SLC36A4: variants seen among roughly 807,000 people sequenced by gnomAD.
SLC36A4 encodes solute carrier family 36 member 4.
In SLC36A4, 49 loss-of-function variants were observed where a neutral mutation model predicts 50.5. The ratio of observed to expected loss-of-function variants is 0.97; its 90% CI spans 0.77 to 1.23. The LOEUF is 1.23. SLC36A4 is among the 50% of genes most tolerant of loss of function. SLC36A4 has a pLI of 0.00. For missense variants in SLC36A4, 611 were observed against 608.4 expected, an observed-to-expected ratio of 1.00 and a Z score of -0.05; for synonymous variants, 207 against 206.5, an observed-to-expected ratio of 1.00 and a Z score of -0.02.
In SLC36A4 at chr11:93,163,189, C is replaced by G. The variant is rs143143041; in HGVS notation, c.868-314G>C. On this transcript the variant is annotated intron_variant, in intron 8 of 10. Coordinates refer to ENST00000326402, the MANE Select transcript of SLC36A4 (RefSeq NM_152313.4). ...ACACAGAGATCTCCCATATACCCCTCACCCAGTTTCTCCTACCATTAACTT... is the reference window on the plus strand; with the variant it reads ...ACACAGAGATCTCCCATATACCCCTGACCCAGTTTCTCCTACCATTAACTT... Among the ~76,000 whole-genome samples, 54 of 152,286 alleles carry G rather than the reference C, an allele frequency of 3.5e-4. 1 individual carries two copies. The East Asian group carries it at 0.01, about 29-fold the overall frequency.
At chr11:93,187,383 T>C (rs1002013440) in intron 1 of SLC36A4, among the ~76,000 whole-genome samples, 1 of 152,208 alleles carries the variant, frequency 6.6e-6, no homozygotes, top group Non-Finnish European at 1.5e-5. Context: ...ATTTCTACTA[T>C]AAAGTTTTCT....
Position 93,147,028 on chromosome 11 carries a change from T to A in SLC36A4, c.*1509A>T, listed in dbSNP as rs7110304. On this transcript the variant is annotated 3_prime_UTR_variant, in exon 11 of 11. Transcript: ENST00000326402. ...GATCTCCCTCTGTAACTCAGGCTGG[T>A]GTGCAGTGGCACAGTCATAGCTTAC... The A allele has an allele frequency of 0.67, 101,666 of 151,998 alleles. 34,135 individuals carry two copies. Among genetic ancestry groups the A allele is most frequent in the East Asian group, 0.81 (4,167 of 5,158 alleles). 9.4% of individuals were successfully genotyped at this position (151,998 alleles called of 1,614,324 possible). A position where few individuals can be genotyped will look rare whatever the true frequency, so the allele number is the denominator to read the frequency against.
At chr11:93,166,504 G>A in intron 7 of SLC36A4, 2 of 700,168 alleles carry the variant, frequency 2.9e-6, no homozygotes, top group Non-Finnish European at 3.5e-6. Context: ...GCCCAAAACA[G>A]GTTTCCTTCT....
intron 6 of SLC36A4, among the ~76,000 whole-genome samples, chr11:93,179,339 C>T (rs1210538396): frequency 6.6e-6 from 1 of 152,166 alleles, no homozygotes; most frequent in African/African-American, 2.4e-5. Context: ...ATGGGAGTCC[C>T]TTCCTTCATA....
chr11:93,171,624 A>G (rs1402168723), intron 6 of SLC36A4: 1 of 152,088 alleles, frequency 6.6e-6, no homozygotes, highest in Non-Finnish European at 1.5e-5. Context: ...TCTTAAATTC[A>G]AATAGAGCTT....
rs982225446 is a variant in SLC36A4, at chr11:93,165,988, A to T, written c.797T>A (p.Ile266Lys). 7.4e-6 allele frequency: 12 copies of T among 1,611,144 alleles called. No individual in the cohort carries two copies. In the Admixed American group the frequency reaches 1.2e-4, roughly 16 times the overall value. The change falls in exon 8 of 11, where the codon ATA becomes AAA. Residue 266 changes from isoleucine (I) to lysine (K), a missense_variant. Transcript: ENST00000326402. ...RNMPDPHNLP[I>K]VAGWKKYPLF... ...TGGGTATTTCTTCCAACCAGCCACT[A>T]TTGGAAGGTTGTGGGGATCTGGCAT...
Position 93,154,274 on chromosome 11 carries a change from T to C in SLC36A4, c.1041A>G (p.Leu347=). The C allele has an allele frequency of 7.3e-7, 1 of 1,362,094 alleles. No homozygotes were observed. Among genetic ancestry groups the C allele is most frequent in the Non-Finnish European group, 9.6e-7 (1 of 1,043,994 alleles). 84.4% of individuals were successfully genotyped at this position (1,362,094 alleles called of 1,614,324 possible). ...AATATAGAATTTTCACTGATTGATA[T>C]AACCTGTTGAAAAAAATTTTCAAAA... ...ITLNLPQDVW[L]YQSVKILYSF... The change falls in exon 10 of 11, where the codon TTA becomes TTG. Residue 347 remains leucine (L), a synonymous_variant. Coordinates refer to ENST00000326402, the MANE Select transcript of SLC36A4 (RefSeq NM_152313.4).
At chr11:93,189,715 A>G (rs1413758600) in intron 1 of SLC36A4, among the ~76,000 whole-genome samples, 1 of 152,206 alleles carries the variant, frequency 6.6e-6, no homozygotes, top group South Asian at 2.1e-4. Flanking sequence ...ATCACTACCA[A>G]TATTTCAAAA....
chr11:93,163,053 T>A (rs539195347), intron 8 of SLC36A4, among the ~76,000 whole-genome samples, 178 bp from the exon 9 acceptor site: 2 of 152,306 alleles, frequency 1.3e-5, no homozygotes, highest in South Asian at 2.1e-4. Context: ...TATTTTAAAC[T>A]TCTTAAAAAG....
chr11:93,166,569 T>C (rs929292883), intron 7 of SLC36A4: 2 of 203,672 alleles, frequency 9.8e-6, no homozygotes, highest in Non-Finnish European at 8.7e-6. Context: ...ATTATTTGAA[T>C]ATATATGTCC....
intron 4 of SLC36A4, chr11:93,182,249 T>TC: frequency 2.4e-6 from 2 of 827,472 alleles, no homozygotes; most frequent in Non-Finnish European, 2.9e-6. Context: ...TCTTTTTTTT[T>TC]CCCAAGTATA....
At chr11:93,183,488 AG>A (rs1861830857) in intron 3 of SLC36A4, among the ~76,000 whole-genome samples, 1 of 152,142 alleles carries the variant, frequency 6.6e-6, no homozygotes, top group Non-Finnish European at 1.5e-5. Flanking sequence ...CATCTAAATT[AG>A]GGGAACAAAA....
chr11:93,166,011 C>T lies in SLC36A4; in HGVS notation c.774G>A (p.Met258Ile). 6.2e-7 allele frequency: 1 copy of T among 1,603,468 alleles called. No individual in the cohort carries two copies. Residue 258 changes from methionine (M) to isoleucine (I), a missense_variant, in exon 8 of 11, where the codon ATG becomes ATA. Transcript: ENST00000326402. Reference protein sequence around the residue: ...VIIYQYVVRNMPDPHNLPIVA... With the variant: ...VIIYQYVVRNIPDPHNLPIVA... ...CTATTGGAAGGTTGTGGGGATCTGGCATGTTCTAAAGAAAGGAAGAAAAAA... is the reference window on the plus strand; with the variant it reads ...CTATTGGAAGGTTGTGGGGATCTGGTATGTTCTAAAGAAAGGAAGAAAAAA...
At position 93,145,711 on chromosome 11, in the gene SLC36A4, G is replaced by A. The variant is rs1859833627; in HGVS notation, c.*2826C>T. ...CTGTGGTGGCCAACAAAATGCTGAA[G>A]TCATTTTAGTCACAGTGTGATGATC... On this transcript the variant is annotated 3_prime_UTR_variant, in exon 11 of 11. Coordinates refer to ENST00000326402, the MANE Select transcript of SLC36A4 (RefSeq NM_152313.4). 6.6e-6 allele frequency: 1 copy of A among 152,088 alleles called. No homozygotes were observed. The highest frequency in any genetic ancestry group is 1.5e-5 in the Non-Finnish European group (1 of 68,006). The allele number at this position is 152,088 out of a possible 1,614,324, so 9.4% of individuals were successfully genotyped here.
At position 93,144,880 on chromosome 11, in the gene SLC36A4, C is replaced by T. The variant is rs937766364; in HGVS notation, c.*3657G>A. On this transcript the variant is annotated 3_prime_UTR_variant, in exon 11 of 11. Transcript: ENST00000326402. ...TTAAAAAGTCATTATTGTATATTAT[C>T]GATGTTCTGTATGTTAACCAAATTA... 13 of 152,102 alleles carry T rather than the reference C, an allele frequency of 8.5e-5. No individual in the cohort carries two copies. The highest frequency in any genetic ancestry group is 3.1e-4 in the African/African-American group (13 of 41,550). 9.4% of individuals were successfully genotyped at this position (152,102 alleles called of 1,614,324 possible).
intron 9 of SLC36A4, chr11:93,160,236 G>A: frequency 2.0e-6 from 2 of 985,392 alleles, no homozygotes; most frequent in Non-Finnish European, 2.4e-6. Context: ...ACTATAGGCT[G>A]CATAGGGCAT....
intron 1 of SLC36A4, among the ~76,000 whole-genome samples, chr11:93,189,195 C>A (rs1027072227): frequency 6.6e-6 from 1 of 151,956 alleles, no homozygotes. Flanking sequence ...TCCAGAGTAG[C>A]TGGGATAACA....
chr11:93,182,744 T>C (rs912558378), intron 4 of SLC36A4, 62 bp downstream of exon 4: 12 of 1,214,968 alleles, frequency 9.9e-6, no homozygotes, highest in South Asian at 5.3e-5. Context: ...AATATAAGAC[T>C]ATCTGATGCT....
intron 5 of SLC36A4, among the ~76,000 whole-genome samples, chr11:93,181,092 G>A (rs1025692175): frequency 6.6e-6 from 1 of 152,032 alleles, no homozygotes; most frequent in African/African-American, 2.4e-5. Flanking sequence ...TACTAACACT[G>A]TTCTTCTTTT....
Sources: allele counts gnomAD v4.1 joint callset (sites outside exome capture counted in the v4.1 genomes callset), GRCh38; gene constraint gnomAD v4.1.1; transcripts MANE v1.5; gene names NCBI Gene and HGNC (gene_info 2026-07-23, HGNC 2026-07-21).